STX16: variants seen among roughly 807,000 people sequenced by gnomAD.
STX16 encodes syntaxin-16.
In STX16, 28 loss-of-function variants were observed where a neutral mutation model predicts 42.7. The ratio of observed to expected loss-of-function variants is 0.66; its 90% CI spans 0.49 to 0.90. The LOEUF is 0.90. STX16 is among the 40% of genes least tolerant of loss of function. The pLI is 0.00. For synonymous variants in STX16, 156 were observed against 155.2 expected (o/e 1.00, Z -0.04); for missense variants, 361 against 420.9 (o/e 0.86, Z 1.24).
intron 2 of STX16, among the ~76,000 whole-genome samples, chr20:58,665,461 G>A (rs1184953027): frequency 1.3e-5 from 2 of 152,144 alleles, no homozygotes; most frequent in Admixed American, 1.3e-4. Context: ...GGAGTCAGCC[G>A]ACCCAGGTTT....
intron 2 of STX16, among the ~76,000 whole-genome samples, chr20:58,666,377 AC>A (rs1445830276): frequency 2.7e-5 from 4 of 150,210 alleles, no homozygotes; most frequent in African/African-American, 9.8e-5. Context: ...AAACAGCTTA[AC>A]CGTGCCAAAC....
chr20:58,662,771 G>A (rs2083730886), intron 2 of STX16, among the ~76,000 whole-genome samples: 1 of 152,082 alleles, frequency 6.6e-6, no homozygotes, highest in South Asian at 2.1e-4. Context: ...CAAGTGATCC[G>A]CCTGCCTTGG....
intron 2 of STX16, among the ~76,000 whole-genome samples, chr20:58,662,457 C>T (rs1434427332): frequency 6.6e-6 from 1 of 152,158 alleles, no homozygotes; most frequent in Non-Finnish European, 1.5e-5. Flanking sequence ...AACTTAACAA[C>T]AGTATCAGGG....
At chr20:58,659,069 C>T (rs2083641168) in intron 1 of STX16, among the ~76,000 whole-genome samples, 1 of 152,186 alleles carries the variant, frequency 6.6e-6, no homozygotes, top group Admixed American at 6.5e-5. Context: ...TTTGCAGAGA[C>T]CTTACATATG....
At chr20:58,653,562 G>A (rs1465026289) in intron 1 of STX16, among the ~76,000 whole-genome samples, 6 of 152,180 alleles carry the variant, frequency 3.9e-5, no homozygotes, top group African/African-American at 1.2e-4. Flanking sequence ...TGAAATAAAT[G>A]TAAAGATGTC....
chr20:58,672,069 A>AC (rs2083990884), intron 7 of STX16, among the ~76,000 whole-genome samples: 1 of 152,176 alleles, frequency 6.6e-6, no homozygotes, highest in Non-Finnish European at 1.5e-5. Context: ...ACGGTGGCTC[A>AC]CATCTGTAAT....
rs183261187 is a variant in STX16, at chr20:58,655,199, A to T, written c.132+3061A>T. 5.0e-3 allele frequency among the ~76,000 whole-genome samples: 728 copies of T among 146,236 alleles called. 3 individuals are homozygous for T. Among genetic ancestry groups the T allele is most frequent in the African/African-American group, 0.015 (581 of 39,796 alleles). ...ATACACCTAAAATAACAGACTTTTT[A>T]AAAAAAAAATTGTAATCCTGAATTT... On this transcript the variant is annotated intron_variant, in intron 1 of 8. Coordinates refer to ENST00000371141, the MANE Select transcript of STX16 (RefSeq NM_001001433.3).
At chr20:58,664,261 C>T (rs2083766136) in intron 2 of STX16, among the ~76,000 whole-genome samples, 1 of 152,142 alleles carries the variant, frequency 6.6e-6, no homozygotes, top group Non-Finnish European at 1.5e-5. Context: ...CAATTGTTTT[C>T]CCTTCCCAAA....
At chr20:58,668,226 C>T (rs1248451284) in intron 4 of STX16, 99 bp downstream of exon 4, 9 of 1,478,406 alleles carry the variant, frequency 6.1e-6, no homozygotes, top group African/African-American at 4.2e-5. Context: ...GGAGTCATTT[C>T]CCAACCTGAA....
chr20:58,664,176 G>C (rs190949205), intron 2 of STX16, among the ~76,000 whole-genome samples: 111 of 152,232 alleles, frequency 7.3e-4, no homozygotes, highest in Non-Finnish European at 1.1e-3. Context: ...AAATTAAAAG[G>C]GTGCTTATGT....
chr20:58,660,713 CTTTTT>C (rs10706096), intron 2 of STX16, among the ~76,000 whole-genome samples: 7 of 70,726 alleles, frequency 9.9e-5, no homozygotes, highest in East Asian at 5.5e-4. Flanking sequence ...ATTCCTGCTC[CTTTTT>C]TTTTTTTTTT....
intron 1 of STX16, among the ~76,000 whole-genome samples, chr20:58,658,776 A>G (rs935727047): frequency 6.6e-6 from 1 of 152,246 alleles, no homozygotes; most frequent in South Asian, 2.1e-4. Context: ...GTTGATCTAA[A>G]AAAGAACCTT....
rs886056869 is a variant in STX16, at chr20:58,679,384, A to G, written c.*3093A>G. 9 of 152,678 alleles carry G rather than the reference A, an allele frequency of 5.9e-5. No individual in the cohort carries two copies. Among genetic ancestry groups the G allele is most frequent in the Non-Finnish European group, 4.4e-5 (3 of 68,038 alleles). 9.5% of individuals were successfully genotyped at this position (152,678 alleles called of 1,614,324 possible). A position where few individuals can be genotyped will look rare whatever the true frequency, so the allele number is the denominator to read the frequency against. ...AAAACTTTTTTTCTTGTATGCTTAAATAAAGCAATTAGTGAAGCACTTCTA... is the reference window on the plus strand; with the variant it reads ...AAAACTTTTTTTCTTGTATGCTTAAGTAAAGCAATTAGTGAAGCACTTCTA... On this transcript the variant is annotated 3_prime_UTR_variant, in exon 9 of 9. Transcript: ENST00000371141.
At chr20:58,654,362 T>TA (rs759682860) in intron 1 of STX16, among the ~76,000 whole-genome samples, 25 of 152,166 alleles carry the variant, frequency 1.6e-4, no homozygotes, top group East Asian at 5.8e-4. Context: ...TTAATTGTGT[T>TA]AAAAAATGGC....
chr20:58,651,919 G>A lies in STX16; in HGVS notation c.-88G>A. The A allele has an allele frequency of 6.9e-7, 1 of 1,442,988 alleles. No individual in the cohort carries two copies. Among genetic ancestry groups the A allele is most frequent in the Non-Finnish European group, 9.6e-7 (1 of 1,042,400 alleles). The allele number at this position is 1,442,988 out of a possible 1,614,324, so 89.4% of individuals were successfully genotyped here. A position where few individuals can be genotyped will look rare whatever the true frequency, so the allele number is the denominator to read the frequency against. On this transcript the variant is annotated 5_prime_UTR_variant, in exon 1 of 9. Coordinates refer to ENST00000371141, the MANE Select transcript of STX16 (RefSeq NM_001001433.3). ...TCGAGAAGCTTCCGTGAAAGGGTGG[G>A]CCAGCCGGGCCACGAGAAAGAAAGT...
chr20:58,655,195 T>TC (rs1418857495), intron 1 of STX16, among the ~76,000 whole-genome samples: 1 of 152,032 alleles, frequency 6.6e-6, no homozygotes, highest in Non-Finnish European at 1.5e-5. Context: ...ATAACAGACT[T>TC]TTTAAAAAAA....
chr20:58,670,499 C>T lies in STX16; in HGVS notation c.557-13C>T. 1.2e-6 allele frequency: 2 copies of T among 1,607,984 alleles called. No homozygotes were observed. The highest frequency in any genetic ancestry group is 1.3e-5 in the African/African-American group (1 of 74,886). The stretch of plus-strand genomic sequence containing the variant: ...TTACATATTCAAGTAAAATGAATTC[C>T]TATCTGTGATAGGCATGAAGAATCG... On this transcript the variant is annotated splice_polypyrimidine_tract_variant and intron_variant, in intron 5 of 8. Transcript: ENST00000371141.
intron 2 of STX16, among the ~76,000 whole-genome samples, chr20:58,661,075 G>A (rs192929220): frequency 6.6e-6 from 1 of 152,258 alleles, no homozygotes; most frequent in East Asian, 1.9e-4. Flanking sequence ...AGAGGGCTTG[G>A]GGGCTTGGAG....
chr20:58,671,073 A>G, intron 6 of STX16, 81 bp from the exon 7 acceptor site: 1 of 1,312,014 alleles, frequency 7.6e-7, no homozygotes, highest in Non-Finnish European at 1.0e-6. Flanking sequence ...CATTGTCTTT[A>G]AATTATATCT....
Sources: gnomAD v4.1 joint callset for allele counts (sites outside exome capture counted in the v4.1 genomes callset) on GRCh38, gnomAD v4.1.1 for gene constraint, MANE v1.5 for transcripts, NCBI Gene and HGNC (gene_info 2026-07-23, HGNC 2026-07-21) for gene names.